Variants in MACF1 observed in about 807,000 individuals in gnomAD.
MACF1 encodes the protein microtubule-actin cross-linking factor 1.
Under a neutral mutation model 854.8 loss-of-function variants are expected in MACF1, and 193 were observed. The ratio of observed to expected loss-of-function variants is 0.23; its 90% CI spans 0.20 to 0.25. MACF1 has a LOEUF of 0.25. Ranked by LOEUF, MACF1 falls within the 10% of genes least tolerant of loss-of-function variation. The pLI is 1.00. For synonymous variants in MACF1, 3,185 were observed against 3,226.7 expected, an observed-to-expected ratio of 0.99 and a Z score of 0.44; for missense variants, 7,722 against 8,929.1, an observed-to-expected ratio of 0.86 and a Z score of 5.45.
intron 97 of MACF1, among the ~76,000 whole-genome samples, chr1:39,472,148 G>A (rs1481275258): frequency 6.6e-6 from 1 of 152,144 alleles, no homozygotes; most frequent in Non-Finnish European, 1.5e-5. Flanking sequence ...GAAAAGAATG[G>A]TGAGGGGGAA....
chr1:39,292,856 C>A lies in MACF1; in HGVS notation c.1992+13C>A. On this transcript the variant is annotated intron_variant, in intron 17 of 100. Transcript: ENST00000564288. ...TTGTAAATTGAAGGTGAGTTTCTGC[C>A]GATTCTCTTACATTCTGCTCATAGA... The A allele has an allele frequency of 6.2e-7, 1 of 1,605,244 alleles. No homozygotes were observed. Among genetic ancestry groups the A allele is most frequent in the South Asian group, 1.1e-5 (1 of 89,910 alleles).
chr1:39,268,205 A>G (rs561462205), intron 6 of MACF1, among the ~76,000 whole-genome samples: 8 of 151,234 alleles, frequency 5.3e-5, no homozygotes, highest in African/African-American at 1.9e-4. Flanking sequence ...TTTTGGTACT[A>G]TTCTCCTCCT....
At chr1:39,204,068 G>A (rs903027844), upstream of MACF1, among the ~76,000 whole-genome samples, 6 of 152,106 alleles carry the variant, frequency 3.9e-5, no homozygotes, top group Non-Finnish European at 7.4e-5. Context: ...GAGGTCAGGA[G>A]TTCGAGACCA....
chr1:39,341,587 A>G (rs1646936790), intron 40 of MACF1, among the ~76,000 whole-genome samples: 1 of 151,634 alleles, frequency 6.6e-6, no homozygotes, highest in African/African-American at 2.4e-5. Flanking sequence ...AATCCCAGCT[A>G]CTTGGGAGCC....
chr1:39,293,059 A>T (rs892859554), intron 17 of MACF1, among the ~76,000 whole-genome samples: 2 of 152,216 alleles, frequency 1.3e-5, no homozygotes, highest in African/African-American at 2.4e-5. Flanking sequence ...TTTTAAATAA[A>T]TAGAACCTAT....
chr1:39,189,779 T>G (rs1644221628), intron 2 of MACF1, among the ~76,000 whole-genome samples: 1 of 152,218 alleles, frequency 6.6e-6, no homozygotes, highest in African/African-American at 2.4e-5. Flanking sequence ...CTTGCCCTCC[T>G]GACACAGCCT....
intron 2 of MACF1, among the ~76,000 whole-genome samples, chr1:39,138,863 C>T (rs1181419098): frequency 6.6e-6 from 1 of 152,068 alleles, no homozygotes; most frequent in African/African-American, 2.4e-5. Flanking sequence ...TGGGGTTTTA[C>T]CATGTTGGCC....
At chr1:39,399,701 G>C (rs1642405598) in intron 58 of MACF1, among the ~76,000 whole-genome samples, 1 of 152,010 alleles carries the variant, frequency 6.6e-6, no homozygotes, top group African/African-American at 2.4e-5. Flanking sequence ...GATCTCCCCA[G>C]CTCACTACTC....
intron 2 of MACF1, among the ~76,000 whole-genome samples, chr1:39,243,701 C>T (rs1270066677): frequency 6.6e-6 from 1 of 152,172 alleles, no homozygotes; most frequent in East Asian, 1.9e-4. Context: ...CCGCACCTGG[C>T]CTTCTAAATT....
intron 2 of MACF1, among the ~76,000 whole-genome samples, chr1:39,121,290 C>T (rs963952234): frequency 2.0e-5 from 3 of 151,938 alleles, no homozygotes; most frequent in South Asian, 2.1e-4. Flanking sequence ...TTAAATAAAA[C>T]GATGCTTAAT....
chr1:39,381,585 C>A (rs1229182599), intron 55 of MACF1, among the ~76,000 whole-genome samples: 1 of 151,986 alleles, frequency 6.6e-6, no homozygotes, highest in Non-Finnish European at 1.5e-5. Context: ...TCCAAGCTGG[C>A]CTTGAACTCT....
intron 52 of MACF1, among the ~76,000 whole-genome samples, chr1:39,376,622 A>G (rs1303320045): frequency 2.0e-5 from 3 of 152,226 alleles, no homozygotes; most frequent in Admixed American, 6.5e-5. Context: ...CCACACTGCA[A>G]TGGAATGTTA....
chr1:39,269,487 G>A (rs932905368), intron 6 of MACF1: 3 of 1,289,608 alleles, frequency 2.3e-6, no homozygotes, highest in Non-Finnish European at 3.0e-6. Context: ...TTCCCATGTG[G>A]GTCAAGTGCC....
intron 20 of MACF1, among the ~76,000 whole-genome samples, 157 bp from the exon 21 acceptor site, chr1:39,297,463 G>A (rs1197282151): frequency 1.3e-5 from 2 of 152,166 alleles, no homozygotes; most frequent in African/African-American, 4.8e-5. Context: ...AAGCCCTTCG[G>A]TTTATGTTTC....
chr1:39,293,565 A>C lies in MACF1; in HGVS notation c.2100A>C (p.Ala700=). Residue 700 remains alanine (A), a synonymous_variant, in exon 18 of 101, where the codon GCA becomes GCC. Coordinates refer to ENST00000564288, the MANE Select transcript of MACF1 (RefSeq NM_001394062.1). The part of the protein sequence containing the change: ...WLNEKEEEEL[A]YDWSDNNSNI... The stretch of plus-strand genomic sequence containing the variant: ...ATGAGAAGGAGGAGGAGGAACTAGC[A>C]TATGACTGGAGTGACAACAATTCCA... The C allele has an allele frequency of 6.2e-7, 1 of 1,614,022 alleles. No homozygotes were observed. Among genetic ancestry groups the C allele is most frequent in the Non-Finnish European group, 8.5e-7 (1 of 1,179,914 alleles).
At chr1:39,245,381 C>T (rs577586570) in intron 2 of MACF1, among the ~76,000 whole-genome samples, 1 of 152,206 alleles carries the variant, frequency 6.6e-6, no homozygotes, top group African/African-American at 2.4e-5. Flanking sequence ...CCCCCTCCAG[C>T]GCGATTCTCG....
At chr1:39,462,883 G>T (rs1232264024) in intron 93 of MACF1, among the ~76,000 whole-genome samples, 1 of 152,154 alleles carries the variant, frequency 6.6e-6, no homozygotes, top group Non-Finnish European at 1.5e-5. Context: ...TAAGGGAGAG[G>T]TGCTGGGACA....
At chr1:39,458,800 G>T in intron 90 of MACF1, 1 of 492,482 alleles carries the variant, frequency 2.0e-6, no homozygotes, top group Non-Finnish European at 3.6e-6. Flanking sequence ...CAACACAACA[G>T]CTTCTACAGA....
chr1:39,411,409 G>C (rs764565714), intron 58 of MACF1: 1 of 1,614,060 alleles, frequency 6.2e-7, no homozygotes, highest in South Asian at 1.1e-5. Flanking sequence ...CTTAGCTGCT[G>C]TCTTGAGGAC....
Sources: gnomAD v4.1 joint callset for allele counts (sites outside exome capture counted in the v4.1 genomes callset) on GRCh38, gnomAD v4.1.1 for gene constraint, MANE v1.5 for transcripts, NCBI Gene and HGNC (gene_info 2026-07-23, HGNC 2026-07-21) for gene names.